TNFSF4: variants seen among roughly 807,000 people sequenced by gnomAD.
The protein encoded by TNFSF4 is tumor necrosis factor ligand superfamily member 4.
Under a neutral mutation model 7.3 loss-of-function variants are expected in TNFSF4, and 4 were observed. The ratio of observed to expected loss-of-function variants is 0.55; its 90% confidence interval spans 0.27 to 1.25. The LOEUF (loss-of-function observed/expected upper bound fraction) is 1.25, where lower values mean the gene tolerates loss of function less well. Ranked by LOEUF, TNFSF4 falls within the 50% of genes most tolerant of loss-of-function variation. The pLI is 0.12. For synonymous variants in TNFSF4, 76 were observed against 83.7 expected (o/e 0.91, Z 0.50); for missense variants, 181 against 208.8 (o/e 0.87, Z 0.82).
chr1:173,174,666 C>T, the TNFSF4 span: 1 of 152,180 alleles, frequency 6.6e-6, no homozygotes, highest in Admixed American at 6.5e-5. Context: ...AGTATCAGAA[C>T]AGCATGGGAG....
the TNFSF4 span, among the ~76,000 whole-genome samples, chr1:173,222,702 C>G: frequency 6.6e-6 from 1 of 152,096 alleles, no homozygotes; most frequent in Non-Finnish European, 1.5e-5. Context: ...AAAATGAGTG[C>G]CCACTAAGGT....
At chr1:173,285,090 G>T in the TNFSF4 span, among the ~76,000 whole-genome samples, 3 of 152,108 alleles carry the variant, frequency 2.0e-5, no homozygotes, top group Admixed American at 1.3e-4. Flanking sequence ...ATTAATTTTT[G>T]ATTCTTGTTT....
At chr1:173,374,330 C>T in the TNFSF4 span, among the ~76,000 whole-genome samples, 1 of 152,018 alleles carries the variant, frequency 6.6e-6, no homozygotes, top group Admixed American at 6.6e-5. Flanking sequence ...TGGTCAAGTC[C>T]CTCCCCTCTA....
At chr1:173,200,214 G>A (rs929720833) in intron 1 of TNFSF4, among the ~76,000 whole-genome samples, 3 of 152,210 alleles carry the variant, frequency 2.0e-5, no homozygotes, top group Non-Finnish European at 2.9e-5. Flanking sequence ...CAGAAGATAG[G>A]ACTGGAATTT....
the TNFSF4 span, among the ~76,000 whole-genome samples, chr1:173,273,203 G>A: frequency 6.6e-6 from 1 of 152,120 alleles, no homozygotes; most frequent in Non-Finnish European, 1.5e-5. Flanking sequence ...TTTCTTTGGG[G>A]CATTGTCTCT....
the TNFSF4 span, among the ~76,000 whole-genome samples, chr1:173,237,856 C>G: frequency 2.0e-5 from 3 of 152,152 alleles, no homozygotes; most frequent in Non-Finnish European, 4.4e-5. Flanking sequence ...AGATTCAATG[C>G]TATTCCTATC....
the TNFSF4 span, among the ~76,000 whole-genome samples, chr1:173,426,781 A>G: frequency 6.6e-6 from 1 of 151,988 alleles, no homozygotes; most frequent in African/African-American, 2.4e-5. Flanking sequence ...TTTTGTAGAG[A>G]CAAGGTCTCG....
At chr1:173,426,461 C>A in the TNFSF4 span, among the ~76,000 whole-genome samples, 1 of 152,160 alleles carries the variant, frequency 6.6e-6, no homozygotes, top group Non-Finnish European at 1.5e-5. Context: ...ACATTCTAAT[C>A]CCCAGAACCT....
At chr1:173,407,170 C>CA in the TNFSF4 span, among the ~76,000 whole-genome samples, 9 of 151,786 alleles carry the variant, frequency 5.9e-5, no homozygotes, top group South Asian at 1.9e-3. Context: ...AACAGCCTGG[C>CA]TGGGGTGTTG....
chr1:173,405,814 G>C, the TNFSF4 span, among the ~76,000 whole-genome samples: 1 of 152,188 alleles, frequency 6.6e-6, no homozygotes, highest in African/African-American at 2.4e-5. Flanking sequence ...CAAATTTCCA[G>C]CATGAGCATT....
the TNFSF4 span, among the ~76,000 whole-genome samples, chr1:173,374,631 TA>T: frequency 1.3e-5 from 2 of 152,178 alleles, no homozygotes; most frequent in African/African-American, 4.8e-5. Flanking sequence ...CCTTCCGACT[TA>T]AAAAAGATAA....
chr1:173,341,388 C>G, the TNFSF4 span, among the ~76,000 whole-genome samples: 5 of 152,132 alleles, frequency 3.3e-5, no homozygotes, highest in African/African-American at 4.8e-5. Flanking sequence ...AAAGAGACAG[C>G]AGGTCTTTGT....
chr1:173,427,331 AC>A, the TNFSF4 span, among the ~76,000 whole-genome samples: 4 of 152,114 alleles, frequency 2.6e-5, no homozygotes, highest in African/African-American at 9.7e-5. Context: ...TTTGATTGTC[AC>A]AACTGGGGAG....
the TNFSF4 span, chr1:173,362,449 A>C: frequency 1.4e-5 from 7 of 504,568 alleles, no homozygotes; most frequent in Non-Finnish European, 3.9e-6. Context: ...GGTAGCTTTT[A>C]ATTCCTTCTT....
chr1:173,181,801 T>C (rs886483695), downstream of TNFSF4, among the ~76,000 whole-genome samples: 2 of 152,160 alleles, frequency 1.3e-5, no homozygotes, highest in Non-Finnish European at 2.9e-5. Flanking sequence ...AATATTGACA[T>C]TTACATTTTA....
At chr1:173,208,510 C>T (rs1474370305), upstream of TNFSF4, among the ~76,000 whole-genome samples, 1 of 152,126 alleles carries the variant, frequency 6.6e-6, no homozygotes, top group Non-Finnish European at 1.5e-5. Flanking sequence ...CAGTATTAAT[C>T]AATTAAAATA....
At chr1:173,372,377 CA>C in the TNFSF4 span, among the ~76,000 whole-genome samples, 155 of 152,312 alleles carry the variant, frequency 1.0e-3, no homozygotes, top group African/African-American at 3.5e-3. Context: ...AAACAGACTT[CA>C]AAACCTTAAA....
At chr1:173,327,990 A>C in the TNFSF4 span, among the ~76,000 whole-genome samples, 14 of 152,288 alleles carry the variant, frequency 9.2e-5, no homozygotes, top group East Asian at 2.3e-3. Context: ...TTCACCCAGC[A>C]ATCCCATTAC....
the TNFSF4 span, among the ~76,000 whole-genome samples, chr1:173,424,286 A>G: frequency 1.3e-5 from 2 of 152,216 alleles, no homozygotes; most frequent in African/African-American, 4.8e-5. Context: ...CTCATGGGCA[A>G]GACTCTATGG....
Sources: allele counts gnomAD v4.1 joint callset (sites outside exome capture counted in the v4.1 genomes callset), GRCh38; gene constraint gnomAD v4.1.1; transcripts MANE v1.5; gene names NCBI Gene and HGNC (gene_info 2026-07-23, HGNC 2026-07-21).